Variants in ZP3 observed in about 807,000 individuals in gnomAD.
ZP3 encodes zona pellucida sperm-binding protein 3.
In ZP3, 21 loss-of-function variants were observed where a neutral mutation model predicts 35.6. The observed-to-expected ratio is 0.59, with a 90% confidence interval of 0.42 to 0.85. The LOEUF (loss-of-function observed/expected upper bound fraction) is 0.85. Among genes scored for constraint, ZP3 ranks in the 40% least tolerant of loss-of-function variants. The pLI, the probability that ZP3 is intolerant of heterozygous loss-of-function variation, is 0.00. For synonymous variants in ZP3, 207 were observed against 214.5 expected (o/e 0.96, Z 0.31); for missense variants, 437 against 536.5 (o/e 0.81, Z 1.83).
chr7:76,436,458 A>G (rs1013175988), intron 5 of ZP3, among the ~76,000 whole-genome samples: 3 of 152,246 alleles, frequency 2.0e-5, no homozygotes, highest in African/African-American at 7.2e-5. Flanking sequence ...CAGGCTTGCA[A>G]ACCTCTGAAG....
chr7:76,429,208 A>C (rs547401161), intron 1 of ZP3: 1 of 343,704 alleles, frequency 2.9e-6, no homozygotes, highest in South Asian at 2.9e-5. Flanking sequence ...ATGTGGTGTC[A>C]GGTAAAGATT....
At chr7:76,425,504 C>T (rs1054124080) in intron 1 of ZP3, among the ~76,000 whole-genome samples, 2 of 152,056 alleles carry the variant, frequency 1.3e-5, no homozygotes, top group Non-Finnish European at 2.9e-5. Flanking sequence ...CAGAGGTGGC[C>T]GTGCACTTCA....
chr7:76,399,314 G>A (rs893230702), intron 1 of ZP3, among the ~76,000 whole-genome samples: 1 of 152,044 alleles, frequency 6.6e-6, no homozygotes, highest in Non-Finnish European at 1.5e-5. Context: ...TGCCCAGCCT[G>A]AAGCACAGTT....
intron 1 of ZP3, among the ~76,000 whole-genome samples, chr7:76,406,921 C>T (rs1030389858): frequency 1.3e-5 from 2 of 151,636 alleles, no homozygotes; most frequent in African/African-American, 4.8e-5. Flanking sequence ...TAATATTTTT[C>T]TCATTTTATT....
At chr7:76,427,589 A>G (rs978255308) in intron 1 of ZP3, among the ~76,000 whole-genome samples, 5 of 151,268 alleles carry the variant, frequency 3.3e-5, no homozygotes, top group African/African-American at 7.3e-5. Flanking sequence ...TGTGGGGCCC[A>G]GTGCTTAATG....
chr7:76,397,979 TG>T lies in ZP3; in HGVS notation c.-67+187del. On this transcript the variant is annotated intron_variant, in intron 1 of 8. Coordinates refer to the ZP3 transcript ENST00000336517. ...AGGGTACCGCCTCCTTGGTCCAGAC[TG>T]GGGGTAGCTTGTGGGATCATAGTAT... 5 of 821,870 alleles carry T rather than the reference TG, an allele frequency of 6.1e-6. No individual in the cohort carries two copies. In the South Asian group the frequency reaches 9.3e-5, roughly 15 times the overall value. 50.9% of individuals were successfully genotyped at this position (821,870 alleles called of 1,614,324 possible). A position where few individuals can be genotyped will look rare whatever the true frequency, so the allele number is the denominator to read the frequency against.
intron 2 of ZP3, among the ~76,000 whole-genome samples, chr7:76,432,193 TTTC>T (rs1246977544): frequency 6.8e-6 from 1 of 147,958 alleles, no homozygotes; most frequent in Non-Finnish European, 1.5e-5. Flanking sequence ...TTTCTTTTCT[TTTC>T]TTTTTTTTTT....
In ZP3 at chr7:76,431,744, A is replaced by C. The variant is rs569391522; in HGVS notation, c.432-1183A>C. Among the ~76,000 whole-genome samples the C allele has an allele frequency of 5.6e-4, 85 of 152,224 alleles. 1 individual carries two copies. The highest frequency in any genetic ancestry group is 3.4e-3 in the Middle Eastern group (1 of 294). ...GAAACCCCGTCTCTACTAAAAATACAAAAAATTAGCCAGGCCTAGTGGCGG... is the reference window on the plus strand; with the variant it reads ...GAAACCCCGTCTCTACTAAAAATACCAAAAATTAGCCAGGCCTAGTGGCGG... On this transcript the variant is annotated intron_variant, in intron 2 of 7. Coordinates refer to ENST00000394857, the MANE Select transcript of ZP3 (RefSeq NM_001110354.2).
intron 1 of ZP3, chr7:76,397,893 G>T: frequency 2.8e-6 from 4 of 1,433,996 alleles, no homozygotes; most frequent in East Asian, 5.0e-5. Flanking sequence ...CGTCCGCACC[G>T]CAAGGGCAGC....
intron 1 of ZP3, among the ~76,000 whole-genome samples, chr7:76,408,094 G>C (rs754231241): frequency 3.3e-5 from 5 of 152,172 alleles, no homozygotes; most frequent in Non-Finnish European, 7.3e-5. Flanking sequence ...AGGAGGCGGC[G>C]GTAGAGAGGA....
At chr7:76,404,520 C>A in intron 1 of ZP3, 2 of 1,606,540 alleles carry the variant, frequency 1.2e-6, no homozygotes, top group South Asian at 2.2e-5. Context: ...AATTAAAGAT[C>A]CCAAATGTTG....
At chr7:76,423,366 C>A (rs1003021388), upstream of ZP3, among the ~76,000 whole-genome samples, 1 of 152,096 alleles carries the variant, frequency 6.6e-6, no homozygotes, top group African/African-American at 2.4e-5. Flanking sequence ...GGGCAAAGCA[C>A]GTGAAGGTAT....
intron 2 of ZP3, among the ~76,000 whole-genome samples, chr7:76,431,930 T>C (rs1446314118): frequency 2.0e-5 from 3 of 151,138 alleles, no homozygotes; most frequent in African/African-American, 4.9e-5. Context: ...CCTTAGCTGA[T>C]TCCCCTCTCA....
At chr7:76,423,007 AAGAGAG>A (rs747350112), upstream of ZP3, among the ~76,000 whole-genome samples, 33 of 76,110 alleles carry the variant, frequency 4.3e-4, no homozygotes, top group South Asian at 1.2e-3. Flanking sequence ...AAAAGAAAGA[AAGAGAG>A]AGAGAGAGAG....
upstream of ZP3, among the ~76,000 whole-genome samples, chr7:76,422,867 G>A (rs549327116): frequency 4.0e-5 from 6 of 148,848 alleles, no homozygotes; most frequent in Non-Finnish European, 5.9e-5. Context: ...GCATGGTGAC[G>A]GGTGCCTGTA....
chr7:76,433,086 C>T (rs1203846342), intron 3 of ZP3, 56 bp downstream of exon 3: 3 of 1,326,546 alleles, frequency 2.3e-6, no homozygotes, highest in African/African-American at 3.2e-5. Flanking sequence ...CATCTCAGAC[C>T]CCTGCCCTTG....
At chr7:76,436,029 C>CGT in intron 5 of ZP3, among the ~76,000 whole-genome samples, 1 of 128,100 alleles carries the variant, frequency 7.8e-6, no homozygotes. Flanking sequence ...CCCCCCGCCC[C>CGT]CTTTTTTTTT....
At chr7:76,433,178 C>T (rs1026612530) in intron 3 of ZP3, 148 bp downstream of exon 3, 3 of 195,214 alleles carry the variant, frequency 1.5e-5, no homozygotes, top group South Asian at 6.9e-5. Flanking sequence ...GTTTTTGAGA[C>T]AGTCTTGATC....
rs531388022 is a variant in ZP3 at position 76,404,386 on chromosome 7, C to G, written c.-67+6589C>G. The stretch of plus-strand genomic sequence containing the variant: ...CACTCCCATCTCCCAACCTCCACCC[C>G]CAGCGCTTCTCATCCAGCTGGGGAC... On this transcript the variant is annotated intron_variant, in intron 1 of 8. Transcript: ENST00000336517. The G allele has an allele frequency of 1.7e-5, 27 of 1,613,976 alleles. No individual in the cohort carries two copies. In the East Asian group the frequency reaches 5.1e-4, roughly 31 times the overall value.
Sources: gnomAD v4.1 joint callset for allele counts (sites outside exome capture counted in the v4.1 genomes callset) on GRCh38, gnomAD v4.1.1 for gene constraint, MANE v1.5 for transcripts, NCBI Gene and HGNC (gene_info 2026-07-23, HGNC 2026-07-21) for gene names.